Variants in AKAP13 observed in about 807,000 individuals in gnomAD.
AKAP13 encodes the protein A-kinase anchoring protein 13.
A neutral mutation model predicts 264.5 loss-of-function variants in AKAP13; 80 were observed. That is an observed-to-expected ratio of 0.30 (90% CI 0.25 to 0.36). AKAP13 has a LOEUF of 0.36. AKAP13 is among the 10% of genes least tolerant of loss of function. The pLI is 1.00. For missense variants in AKAP13, 3,712 were observed against 3,435.2 expected, an observed-to-expected ratio of 1.08 and a Z score of -2.01; for synonymous variants, 1,380 against 1,250.2, an observed-to-expected ratio of 1.10 and a Z score of -2.19.
chr15:85,461,492 G>T (rs1449641007), intron 1 of AKAP13, among the ~76,000 whole-genome samples: 3 of 152,160 alleles, frequency 2.0e-5, no homozygotes. Flanking sequence ...TTGAATGTGT[G>T]AATTAACTAA....
intron 9 of AKAP13, among the ~76,000 whole-genome samples, chr15:85,642,203 G>C (rs550082569): frequency 1.3e-5 from 2 of 152,116 alleles, no homozygotes; most frequent in African/African-American, 4.8e-5. Flanking sequence ...CCAGAGTTCT[G>C]GTTACTGTAT....
intron 15 of AKAP13, among the ~76,000 whole-genome samples, chr15:85,683,874 C>G (rs1207699624): frequency 6.6e-6 from 1 of 152,158 alleles, no homozygotes; most frequent in Non-Finnish European, 1.5e-5. Context: ...ACAGGTAGAT[C>G]ACTGAATCTA....
intron 1 of AKAP13, among the ~76,000 whole-genome samples, chr15:85,454,915 C>G (rs370106348): frequency 6.6e-6 from 1 of 152,180 alleles, no homozygotes; most frequent in Non-Finnish European, 1.5e-5. Context: ...CTCGATCTGT[C>G]GTCTTACTGA....
intron 8 of AKAP13, among the ~76,000 whole-genome samples, chr15:85,607,569 A>G (rs550586600): frequency 2.0e-5 from 3 of 152,280 alleles, no homozygotes; most frequent in South Asian, 4.1e-4. Context: ...TCCAGAGTTC[A>G]TGCTTTTAAC....
chr15:85,671,311 C>G (rs529601015), intron 14 of AKAP13, among the ~76,000 whole-genome samples: 5 of 151,768 alleles, frequency 3.3e-5, no homozygotes, highest in African/African-American at 1.2e-4. Context: ...CTGACACATG[C>G]CTGTAGTCCA....
chr15:85,401,637 T>TA (rs2071424638), intron 1 of AKAP13, among the ~76,000 whole-genome samples: 1 of 152,212 alleles, frequency 6.6e-6, no homozygotes, highest in Admixed American at 6.5e-5. Flanking sequence ...TTTGAGGTTG[T>TA]AAAAAAGAGA....
At chr15:85,652,985 A>T (rs944418242) in intron 10 of AKAP13, among the ~76,000 whole-genome samples, 1 of 152,152 alleles carries the variant, frequency 6.6e-6, no homozygotes, top group Non-Finnish European at 1.5e-5. Flanking sequence ...TCACATTCTG[A>T]GAAGGACCTG....
At chr15:85,475,048 A>T (rs979842773) in intron 1 of AKAP13, among the ~76,000 whole-genome samples, 15 of 152,216 alleles carry the variant, frequency 9.9e-5, no homozygotes, top group East Asian at 7.7e-4. Flanking sequence ...GCCTATATTT[A>T]GTCTTTCCAG....
intron 8 of AKAP13, among the ~76,000 whole-genome samples, chr15:85,623,897 A>G (rs757762055): frequency 1.3e-5 from 2 of 152,258 alleles, no homozygotes; most frequent in Non-Finnish European, 2.9e-5. Context: ...AATTGTTGGC[A>G]TGGGCCCTTT....
At chr15:85,605,344 C>G (rs563557864) in intron 8 of AKAP13, among the ~76,000 whole-genome samples, 9 of 152,104 alleles carry the variant, frequency 5.9e-5, no homozygotes, top group Non-Finnish European at 1.3e-4. Flanking sequence ...GAGCTGGAAG[C>G]CATTATCCTC....
chr15:85,686,387 C>T (rs2016517), intron 16 of AKAP13, among the ~76,000 whole-genome samples: 28,508 of 152,088 alleles, frequency 0.19, 3,542 homozygotes, highest in Middle Eastern at 0.41. Context: ...GAAATATAGC[C>T]AAAGTATTTT....
intron 1 of AKAP13, among the ~76,000 whole-genome samples, chr15:85,479,470 C>A (rs1300163759): frequency 1.3e-5 from 2 of 152,160 alleles, no homozygotes; most frequent in African/African-American, 4.8e-5. Context: ...GCACATTGTG[C>A]CATGGAAGTA....
intron 1 of AKAP13, among the ~76,000 whole-genome samples, chr15:85,408,784 C>T (rs2071800580): frequency 6.6e-6 from 1 of 151,838 alleles, no homozygotes; most frequent in Admixed American, 6.5e-5. Context: ...TTGCTTTGAC[C>T]ATGGGTGTAC....
chr15:85,639,934 G>A (rs147543275), intron 9 of AKAP13, among the ~76,000 whole-genome samples: 1 of 152,288 alleles, frequency 6.6e-6, no homozygotes, highest in Non-Finnish European at 1.5e-5. Flanking sequence ...ACCCAAGGTT[G>A]AGAACCATTA....
intron 7 of AKAP13, 91 bp from the exon 8 acceptor site, chr15:85,585,611 A>G: frequency 6.4e-7 from 1 of 1,562,018 alleles, no homozygotes; most frequent in Non-Finnish European, 8.7e-7. Flanking sequence ...AAGCAAAACA[A>G]AACACATGAA....
At chr15:85,653,826 T>C (rs2082978184) in intron 10 of AKAP13, among the ~76,000 whole-genome samples, 1 of 152,196 alleles carries the variant, frequency 6.6e-6, no homozygotes, top group Non-Finnish European at 1.5e-5. Context: ...GTCCACATCT[T>C]AAGAGTATGA....
intron 34 of AKAP13, 177 bp downstream of exon 34, chr15:85,740,449 A>C (rs1029652536): frequency 6.3e-5 from 40 of 638,030 alleles, no homozygotes; most frequent in Non-Finnish European, 1.0e-4. Flanking sequence ...ACCTTCCAGG[A>C]CTAGAATTAG....
chr15:85,573,571 A>AAATAAATAAATAAATAAAT, intron 5 of AKAP13, among the ~76,000 whole-genome samples: 2 of 151,782 alleles, frequency 1.3e-5, no homozygotes, highest in African/African-American at 4.8e-5. Flanking sequence ...ATAAATAAAT[A>AAATAAATAAATAAATAAAT]AATATGATAT....
chr15:85,567,425 A>G (rs774094380), intron 5 of AKAP13, among the ~76,000 whole-genome samples: 24 of 152,200 alleles, frequency 1.6e-4, no homozygotes, highest in Non-Finnish European at 2.6e-4. Flanking sequence ...GTTTTGTTAC[A>G]TGGACATATT....
Sources: gnomAD v4.1 joint callset for allele counts (sites outside exome capture counted in the v4.1 genomes callset) on GRCh38, gnomAD v4.1.1 for gene constraint, MANE v1.5 for transcripts, NCBI Gene and HGNC (gene_info 2026-07-23, HGNC 2026-07-21) for gene names.